ELMO1: variants seen among roughly 807,000 people sequenced by gnomAD.
ELMO1 encodes the protein engulfment and cell motility 1.
ELMO1 carries 26 observed loss-of-function variants against 98.9 expected under a neutral mutation model. The ratio of observed to expected loss-of-function variants is 0.26; its 90% confidence interval spans 0.19 to 0.36. The LOEUF is 0.36. Among genes scored for constraint, ELMO1 ranks in the 10% least tolerant of loss-of-function variants. The pLI is 1.00. For missense variants in ELMO1, 627 were observed against 935.2 expected (o/e 0.67, Z 4.30); for synonymous variants, 346 against 346.0 (o/e 1.00, Z 0.00).
intron 1 of ELMO1, among the ~76,000 whole-genome samples, chr7:37,378,065 C>T (rs1016669955): frequency 1.3e-5 from 2 of 152,182 alleles, no homozygotes; most frequent in African/African-American, 4.8e-5. Flanking sequence ...CAAGGCAATT[C>T]CCAAAGATGG....
chr7:37,396,465 A>G (rs191799202), intron 1 of ELMO1, among the ~76,000 whole-genome samples: 43 of 152,334 alleles, frequency 2.8e-4, no homozygotes, highest in Non-Finnish European at 3.8e-4. Context: ...AAAGAATGAT[A>G]AAATAAGATT....
chr7:36,969,546 C>T (rs74931995), intron 16 of ELMO1, among the ~76,000 whole-genome samples: 2,815 of 152,210 alleles, frequency 0.018, 93 homozygotes, highest in African/African-American at 0.065. Context: ...GCATCACTTC[C>T]CTAGTTTTAT....
At chr7:37,411,923 G>A (rs1265410832) in intron 1 of ELMO1, among the ~76,000 whole-genome samples, 1 of 152,054 alleles carries the variant, frequency 6.6e-6, no homozygotes, top group Non-Finnish European at 1.5e-5. Flanking sequence ...ACAGTGTTAT[G>A]GTTCAGTACA....
intron 15 of ELMO1, among the ~76,000 whole-genome samples, chr7:37,057,445 T>A (rs35610219): frequency 0.33 from 50,211 of 152,072 alleles, 10,385 homozygotes; most frequent in Non-Finnish European, 0.47. Context: ...AATGGGAAAA[T>A]GATTTTGAAG....
At chr7:37,208,674 T>C (rs1415519490) in intron 13 of ELMO1, among the ~76,000 whole-genome samples, 4 of 152,192 alleles carry the variant, frequency 2.6e-5, no homozygotes, top group Non-Finnish European at 5.9e-5. Context: ...GCAATGACCA[T>C]GCGGTTCTGT....
chr7:37,127,393 ACT>A (rs955718987), intron 14 of ELMO1, among the ~76,000 whole-genome samples: 1 of 151,940 alleles, frequency 6.6e-6, no homozygotes, highest in African/African-American at 2.4e-5. Context: ...GAATGACAAC[ACT>A]GTTTCCCTCA....
intron 15 of ELMO1, among the ~76,000 whole-genome samples, chr7:37,067,434 A>G (rs1245818080): frequency 1.3e-5 from 2 of 152,174 alleles, no homozygotes; most frequent in Non-Finnish European, 2.9e-5. Context: ...AATGCAAAGT[A>G]TTTTCTTCTT....
At chr7:36,970,159 C>T (rs900610101) in intron 16 of ELMO1, among the ~76,000 whole-genome samples, 2 of 140,962 alleles carry the variant, frequency 1.4e-5, no homozygotes, top group African/African-American at 6.3e-5. Flanking sequence ...CAAACACACA[C>T]ACAAATACAT....
chr7:37,160,496 T>C (rs1789125067), intron 13 of ELMO1, among the ~76,000 whole-genome samples: 1 of 152,216 alleles, frequency 6.6e-6, no homozygotes, highest in African/African-American at 2.4e-5. Flanking sequence ...GTTTCCCCAC[T>C]GGCACCCTGA....
At chr7:37,024,315 G>A (rs191977085) in intron 15 of ELMO1, among the ~76,000 whole-genome samples, 10 of 152,318 alleles carry the variant, frequency 6.6e-5, no homozygotes, top group African/African-American at 1.7e-4. Flanking sequence ...TTCGCACAAC[G>A]CTTTGTAGAC....
chr7:37,395,367 CAAAA>C (rs59452486), intron 1 of ELMO1, among the ~76,000 whole-genome samples: 2 of 66,190 alleles, frequency 3.0e-5, no homozygotes, highest in Non-Finnish European at 5.3e-5. Flanking sequence ...AACTCCATCT[CAAAA>C]AAAAAAAAAA....
rs1797720183 is a variant in ELMO1 at position 37,292,085 on chromosome 7, T to C, written c.193-20203A>G. Among the ~76,000 whole-genome samples the C allele has an allele frequency of 2.4e-5, 3 of 125,666 alleles. 1 individual carries two copies. Among genetic ancestry groups the C allele is most frequent in the East Asian group, 2.0e-4 (1 of 4,978 alleles). The allele number at this position is 125,666 out of a possible 152,430, so 82.4% of individuals were successfully genotyped here. A position where few individuals can be genotyped will look rare whatever the true frequency, so the allele number is the denominator to read the frequency against. On this transcript the variant is annotated intron_variant, in intron 4 of 21. Coordinates refer to ENST00000310758, the MANE Select transcript of ELMO1 (RefSeq NM_014800.11). ...GCCTCAGCTTGCCCAGTACCTGCGA[T>C]TGCAGGCGCGCACCGCCACGCCTGA...
chr7:37,084,103 A>G (rs1783627853), intron 15 of ELMO1, among the ~76,000 whole-genome samples: 1 of 152,172 alleles, frequency 6.6e-6, no homozygotes, highest in South Asian at 2.1e-4. Flanking sequence ...TTGGGGGAAC[A>G]TACTGTAGTG....
At chr7:37,222,532 C>A in intron 10 of ELMO1, 83 bp downstream of exon 10, 1 of 1,335,010 alleles carries the variant, frequency 7.5e-7, no homozygotes, top group South Asian at 1.2e-5. Context: ...CCCAATGAGT[C>A]CCCGAATAGA....
chr7:37,444,811 G>C (rs1289530659), intron 1 of ELMO1, among the ~76,000 whole-genome samples: 4 of 152,200 alleles, frequency 2.6e-5, no homozygotes, highest in African/African-American at 9.6e-5. Context: ...ACCGCGCCCG[G>C]CCAATAGTAG....
At chr7:36,888,083 C>T (rs1247362289) in intron 17 of ELMO1, among the ~76,000 whole-genome samples, 2 of 152,170 alleles carry the variant, frequency 1.3e-5, no homozygotes, top group African/African-American at 4.8e-5. Context: ...TCTGATTAAA[C>T]AGGCATATTA....
chr7:37,185,022 T>C (rs1264435796), intron 13 of ELMO1, among the ~76,000 whole-genome samples: 1 of 152,248 alleles, frequency 6.6e-6, no homozygotes, highest in Non-Finnish European at 1.5e-5. Flanking sequence ...GTCTGTCTAT[T>C]ATAACTAGAC....
chr7:37,162,641 A>G (rs1320912811), intron 13 of ELMO1, among the ~76,000 whole-genome samples: 1 of 152,242 alleles, frequency 6.6e-6, no homozygotes, highest in African/African-American at 2.4e-5. Flanking sequence ...TTTAAAGTTG[A>G]AAACAGGACT....
At chr7:37,121,644 G>A (rs548089248) in intron 14 of ELMO1, among the ~76,000 whole-genome samples, 17 of 152,320 alleles carry the variant, frequency 1.1e-4, no homozygotes, top group African/African-American at 3.1e-4. Context: ...CCAAATCTAC[G>A]TCTGATTGGT....
Sources: allele counts gnomAD v4.1 joint callset (sites outside exome capture counted in the v4.1 genomes callset), GRCh38; gene constraint gnomAD v4.1.1; transcripts MANE v1.5; gene names NCBI Gene and HGNC (gene_info 2026-07-23, HGNC 2026-07-21).